The following CDC123 variants were observed in gnomAD, a reference collection of about 807,000 sequenced individuals.
The protein encoded by CDC123 is translation initiation factor eIF2 assembly protein.
A neutral mutation model predicts 54.4 loss-of-function variants in CDC123; 37 were observed. The ratio of observed to expected loss-of-function variants is 0.68; its 90% CI spans 0.52 to 0.89. The LOEUF is 0.89. CDC123 is among the 40% of genes least tolerant of loss of function. CDC123 has a pLI of 0.00. For missense variants in CDC123, 361 were observed against 412.1 expected (o/e 0.88, Z 1.07); for synonymous variants, 144 against 136.8 (o/e 1.05, Z -0.37).
intron 5 of CDC123, 71 bp downstream of exon 5, chr10:12,215,906 C>T (rs1835656133): frequency 2.6e-5 from 24 of 912,864 alleles, no homozygotes; most frequent in Middle Eastern, 2.3e-4. Context: ...ATTTCATATC[C>T]CTACAGAGGG....
chr10:12,248,818 T>C (rs1340898745), intron 11 of CDC123, among the ~76,000 whole-genome samples: 2 of 141,582 alleles, frequency 1.4e-5, no homozygotes, highest in African/African-American at 5.3e-5. Context: ...AAAAAAAAAT[T>C]AGTTTTGGCA....
chr10:12,205,523 G>A (rs997973878), intron 2 of CDC123, among the ~76,000 whole-genome samples: 1 of 152,084 alleles, frequency 6.6e-6, no homozygotes, highest in African/African-American at 2.4e-5. Flanking sequence ...AATACATTAG[G>A]CATATTCATA....
chr10:12,197,174 G>C (rs953105216), intron 1 of CDC123, among the ~76,000 whole-genome samples: 1 of 152,158 alleles, frequency 6.6e-6, no homozygotes, highest in Admixed American at 6.5e-5. Context: ...TCGCTTGTTA[G>C]CTTTGTAAGA....
intron 2 of CDC123, among the ~76,000 whole-genome samples, chr10:12,206,594 C>G (rs117122528): frequency 0.027 from 4,098 of 152,212 alleles, 85 homozygotes; most frequent in Non-Finnish European, 0.035. Context: ...GTTCGATTAT[C>G]TGAGGCCAGC....
At chr10:12,201,171 A>G (rs1835434745) in intron 2 of CDC123, among the ~76,000 whole-genome samples, 1 of 152,252 alleles carries the variant, frequency 6.6e-6, no homozygotes, top group Admixed American at 6.5e-5. Flanking sequence ...ATGACAGTAT[A>G]GAACTTACTT....
intron 6 of CDC123, among the ~76,000 whole-genome samples, chr10:12,226,422 G>A (rs1835815689): frequency 6.6e-6 from 1 of 152,046 alleles, no homozygotes; most frequent in Non-Finnish European, 1.5e-5. Flanking sequence ...CTCCTGGAGG[G>A]GGCAGCTGCT....
intron 6 of CDC123, among the ~76,000 whole-genome samples, chr10:12,228,982 T>C (rs1835863921): frequency 6.6e-6 from 1 of 152,254 alleles, no homozygotes. Context: ...CCCAGAGTGC[T>C]GGGAGTACAG....
intron 11 of CDC123, chr10:12,246,602 C>T (rs556734900): frequency 3.0e-5 from 6 of 198,676 alleles, no homozygotes; most frequent in African/African-American, 7.0e-5. Context: ...CTGCTGAGGC[C>T]GACAGAGAAG....
intron 2 of CDC123, among the ~76,000 whole-genome samples, chr10:12,200,484 G>T (rs960595601): frequency 6.6e-6 from 1 of 152,010 alleles, no homozygotes; most frequent in African/African-American, 2.4e-5. Context: ...TATATAATAA[G>T]CTTATGTAAA....
chr10:12,240,515 A>G (rs1836043132), intron 10 of CDC123, among the ~76,000 whole-genome samples: 1 of 152,202 alleles, frequency 6.6e-6, no homozygotes, highest in Non-Finnish European at 1.5e-5. Context: ...CTTACGTCAA[A>G]AGACATCACT....
intron 4 of CDC123, among the ~76,000 whole-genome samples, 200 bp downstream of exon 4, chr10:12,210,522 C>G (rs1554806155): frequency 6.6e-6 from 1 of 152,056 alleles, no homozygotes; most frequent in South Asian, 2.1e-4. Flanking sequence ...CCCTTTTTCC[C>G]TTTGATTGCA....
At chr10:12,236,596 C>T (rs1371260908) in intron 8 of CDC123, among the ~76,000 whole-genome samples, 2 of 146,752 alleles carry the variant, frequency 1.4e-5, no homozygotes, top group Non-Finnish European at 3.0e-5. Flanking sequence ...GAGACACTGT[C>T]TCTAAAAAAA....
intron 1 of CDC123, among the ~76,000 whole-genome samples, chr10:12,197,339 T>C (rs530078606): frequency 6.6e-6 from 1 of 152,170 alleles, no homozygotes; most frequent in South Asian, 2.1e-4. Context: ...TTTTCAAACG[T>C]AATAAGATTT....
intron 7 of CDC123, among the ~76,000 whole-genome samples, chr10:12,233,330 A>G (rs1222471377): frequency 6.8e-6 from 1 of 146,188 alleles, no homozygotes; most frequent in Non-Finnish European, 1.5e-5. Flanking sequence ...CTGTCTCTTT[A>G]TAGATACTTA....
At chr10:12,241,448 A>G (rs938479733) in intron 10 of CDC123, among the ~76,000 whole-genome samples, 4 of 152,016 alleles carry the variant, frequency 2.6e-5, no homozygotes, top group African/African-American at 9.7e-5. Flanking sequence ...CCATTTCAAT[A>G]TTGGATGTTT....
chr10:12,230,832 C>T, intron 6 of CDC123, 116 bp from the exon 7 acceptor site: 1 of 940,330 alleles, frequency 1.1e-6, no homozygotes, highest in East Asian at 2.5e-5. Context: ...AGTTAGTCTC[C>T]TGTTTCTGGA....
chr10:12,197,140 T>G (rs1835365481), intron 1 of CDC123, among the ~76,000 whole-genome samples: 1 of 152,212 alleles, frequency 6.6e-6, no homozygotes, highest in Non-Finnish European at 1.5e-5. Context: ...TGGTAGAACC[T>G]TAGATTCATT....
rs775918770 is a variant in CDC123, at chr10:12,246,098, G to A, written c.718-51G>A. On this transcript the variant is annotated intron_variant, in intron 10 of 12. Coordinates refer to ENST00000281141, the MANE Select transcript of CDC123 (RefSeq NM_006023.3). ...ATAAAAAAGTGTTTCTTTCTCAGAAGACAGAGTACAGAAGATGTTTGTTTT... is the reference window on the plus strand; with the variant it reads ...ATAAAAAAGTGTTTCTTTCTCAGAAAACAGAGTACAGAAGATGTTTGTTTT... 29 of 1,581,964 alleles carry A rather than the reference G, an allele frequency of 1.8e-5. No individual in the cohort carries two copies. In the Admixed American group the frequency reaches 2.7e-4, roughly 15 times the overall value.
chr10:12,234,750 ATT>A (rs968508731), intron 7 of CDC123, among the ~76,000 whole-genome samples: 39 of 133,866 alleles, frequency 2.9e-4, no homozygotes, highest in Admixed American at 5.3e-4. Flanking sequence ...CATGTGAAGA[ATT>A]TTTTTTTTTT....
Sources: allele counts gnomAD v4.1 joint callset (sites outside exome capture counted in the v4.1 genomes callset), GRCh38; gene constraint gnomAD v4.1.1; transcripts MANE v1.5; gene names NCBI Gene and HGNC (gene_info 2026-07-23, HGNC 2026-07-21).